E2F5: variants seen among roughly 807,000 people sequenced by gnomAD.
E2F5 encodes transcription factor E2F5.
In E2F5, 23 loss-of-function variants were observed where a neutral mutation model predicts 39.1. The ratio of observed to expected loss-of-function variants is 0.59; its 90% CI spans 0.42 to 0.83. E2F5 has a LOEUF of 0.83. E2F5 is among the 40% of genes least tolerant of loss of function. The pLI is 0.00. For missense variants in E2F5, 365 were observed against 406.7 expected (o/e 0.90, Z 0.88); for synonymous variants, 145 against 157.8 (o/e 0.92, Z 0.61).
At chr8:85,180,891 T>C (rs955760868) in intron 1 of E2F5, among the ~76,000 whole-genome samples, 4 of 151,364 alleles carry the variant, frequency 2.6e-5, no homozygotes, top group African/African-American at 7.3e-5. Flanking sequence ...TCTTGTTTGT[T>C]TTTTGAGACA....
chr8:85,212,057 T>C, intron 6 of E2F5, 100 bp from the exon 7 acceptor site: 5 of 864,354 alleles, frequency 5.8e-6, no homozygotes, highest in Non-Finnish European at 9.4e-6. Flanking sequence ...TTTAAATAAA[T>C]GTGCATGTCA....
intron 1 of E2F5, among the ~76,000 whole-genome samples, chr8:85,179,829 T>G (rs1033940723): frequency 2.6e-5 from 4 of 151,832 alleles, no homozygotes; most frequent in Admixed American, 1.3e-4. Context: ...CCAGCTAATT[T>G]TTTTGTAATT....
intron 1 of E2F5, chr8:85,187,797 G>A (rs1812374417): frequency 6.6e-6 from 1 of 152,084 alleles, no homozygotes; most frequent in South Asian, 2.1e-4. Flanking sequence ...TCATTCATAG[G>A]TAAGTAGTTA....
chr8:85,198,345 GAAA>G (rs571028760), intron 1 of E2F5, among the ~76,000 whole-genome samples: 1 of 143,094 alleles, frequency 7.0e-6, no homozygotes, highest in Non-Finnish European at 1.5e-5. Flanking sequence ...TCTTTAAAAG[GAAA>G]AAAAAAAACT....
intron 6 of E2F5, among the ~76,000 whole-genome samples, chr8:85,210,334 T>A (rs967326511): frequency 6.6e-6 from 1 of 152,182 alleles, no homozygotes; most frequent in South Asian, 2.1e-4. Context: ...TATTCCTTTC[T>A]TTCCCCTATA....
At chr8:85,190,977 C>A (rs574762149) in intron 1 of E2F5, among the ~76,000 whole-genome samples, 4 of 152,088 alleles carry the variant, frequency 2.6e-5, no homozygotes, top group Non-Finnish European at 5.9e-5. Flanking sequence ...CCTCTAGAAG[C>A]TGGAAAGGCA....
In E2F5 at chr8:85,213,785, G is replaced by A. The variant is rs779247291; in HGVS notation, c.964G>A (p.Ala322Thr). 1 of 1,612,936 alleles carries A rather than the reference G, an allele frequency of 6.2e-7. No homozygotes were observed. Residue 322 changes from alanine (A) to threonine (T), a missense_variant, in exon 8 of 8, where the codon GCA (alanine) becomes ACA (threonine). Transcript: ENST00000416274. The part of the protein sequence containing the change: ...FPLLRLSPTP[A>T]DDYNFNLDDN... ...TCTCTTAAGGCTTTCTCCTACCCCG[G>A]CAGATGACTACAACTTTAATTTAGA...
At chr8:85,207,686 G>T (rs946638912) in intron 5 of E2F5, among the ~76,000 whole-genome samples, 197 bp downstream of exon 5, 2 of 152,100 alleles carry the variant, frequency 1.3e-5, no homozygotes, top group Non-Finnish European at 2.9e-5. Context: ...AATCATAAAT[G>T]ATTTTAAAGA....
At chr8:85,181,245 A>G (rs756075073) in intron 1 of E2F5, among the ~76,000 whole-genome samples, 3 of 152,210 alleles carry the variant, frequency 2.0e-5, no homozygotes, top group Non-Finnish European at 2.9e-5. Flanking sequence ...TGGATATCAT[A>G]AAGTATCCTA....
At chr8:85,194,703 T>C (rs1177883557) in intron 1 of E2F5, among the ~76,000 whole-genome samples, 3 of 151,392 alleles carry the variant, frequency 2.0e-5, no homozygotes, top group Admixed American at 2.0e-4. Context: ...CATGGCTAAT[T>C]TTTGTAGTTT....
intron 1 of E2F5, among the ~76,000 whole-genome samples, chr8:85,194,145 A>T (rs1812528103): frequency 6.6e-6 from 1 of 152,060 alleles, no homozygotes; most frequent in Non-Finnish European, 1.5e-5. Context: ...TTTCTTCTAT[A>T]TATGTAACAT....
chr8:85,202,130 T>A lies in E2F5; in HGVS notation c.235-17T>A, dbSNP rs367833490. ...CTTGCCCTTTATTTCACTGTTCTCGTTGTCTTTCCTGAACAGGCTGCTGAT... is the reference window on the plus strand; with the variant it reads ...CTTGCCCTTTATTTCACTGTTCTCGATGTCTTTCCTGAACAGGCTGCTGAT... On this transcript the variant is annotated splice_polypyrimidine_tract_variant and intron_variant, in intron 1 of 7. Coordinates refer to ENST00000416274, the MANE Select transcript of E2F5 (RefSeq NM_001951.4). 915 of 1,601,536 alleles carry A rather than the reference T, an allele frequency of 5.7e-4. 1 individual carries two copies. The highest frequency in any genetic ancestry group is 6.8e-4 in the Non-Finnish European group (799 of 1,170,672).
chr8:85,179,821 A>G (rs1358550522), intron 1 of E2F5, among the ~76,000 whole-genome samples: 1 of 151,530 alleles, frequency 6.6e-6, no homozygotes, highest in African/African-American at 2.4e-5. Flanking sequence ...CAGCGCACCC[A>G]GCTAATTTTT....
intron 1 of E2F5, among the ~76,000 whole-genome samples, chr8:85,188,406 G>T (rs1812390686): frequency 7.2e-6 from 1 of 139,842 alleles, no homozygotes. Flanking sequence ...CTTATCTTCT[G>T]TTTTTCTGGA....
intron 1 of E2F5, among the ~76,000 whole-genome samples, chr8:85,179,485 C>G (rs898981075): frequency 5.3e-5 from 8 of 152,082 alleles, no homozygotes; most frequent in Non-Finnish European, 8.8e-5. Context: ...TTCTGGAACT[C>G]TCCTAAAAAT....
Position 85,209,202 on chromosome 8 carries a change from G to A in E2F5, c.676G>A (p.Val226Met), listed in dbSNP as rs1812863532. 2 of 1,613,970 alleles carry A rather than the reference G, an allele frequency of 1.2e-6. No homozygotes were observed. The highest frequency in any genetic ancestry group is 1.7e-6 in the Non-Finnish European group (2 of 1,179,892). ...AAAGAGTCATTCAGGACCTATCCAT[G>A]TGCTGCTTATAAATAAAGAGTCGAG... ...NLKSHSGPIH[V>M]LLINKESSSS... The change falls in exon 6 of 8, where the codon GTG (valine) becomes ATG (methionine). Residue 226 changes from valine (V) to methionine (M), a missense_variant. Transcript: ENST00000416274.
chr8:85,208,428 T>A (rs548725998), intron 5 of E2F5, among the ~76,000 whole-genome samples: 5 of 152,350 alleles, frequency 3.3e-5, no homozygotes, highest in East Asian at 3.9e-4. Flanking sequence ...TTAAATTAGG[T>A]CTTTTATAAA....
At chr8:85,197,364 T>G (rs1812603883) in intron 1 of E2F5, among the ~76,000 whole-genome samples, 1 of 152,204 alleles carries the variant, frequency 6.6e-6, no homozygotes, top group South Asian at 2.1e-4. Flanking sequence ...CACATAATGT[T>G]TCTCCCTATC....
intron 7 of E2F5, chr8:85,212,654 A>G (rs1812961378): frequency 6.5e-6 from 1 of 153,190 alleles, no homozygotes; most frequent in Admixed American, 6.5e-5. Context: ...GTTAGCTACA[A>G]TATGCTAATT....
Sources: allele counts gnomAD v4.1 joint callset (sites outside exome capture counted in the v4.1 genomes callset), GRCh38; gene constraint gnomAD v4.1.1; transcripts MANE v1.5; gene names NCBI Gene and HGNC (gene_info 2026-07-23, HGNC 2026-07-21).